ST3GAL2: variants seen among roughly 807,000 people sequenced by gnomAD.
The protein encoded by ST3GAL2 is ST3 beta-galactoside alpha-2,3-sialyltransferase 2.
In ST3GAL2, 16 loss-of-function variants were observed where a neutral mutation model predicts 37.5. That is an observed-to-expected ratio of 0.43 (90% CI 0.29 to 0.65). ST3GAL2 has a LOEUF of 0.65. Ranked by LOEUF, ST3GAL2 falls within the 30% of genes least tolerant of loss-of-function variation. ST3GAL2 has a pLI of 0.17. For synonymous variants in ST3GAL2, 238 were observed against 202.9 expected, an observed-to-expected ratio of 1.17 and a Z score of -1.47; for missense variants, 383 against 487.8, an observed-to-expected ratio of 0.79 and a Z score of 2.02.
chr16:70,404,645 C>G lies in ST3GAL2; in HGVS notation c.-1003-5112G>C, dbSNP rs78837578. On this transcript the variant is annotated intron_variant, in intron 1 of 6. Transcript: ENST00000342907. ...TTTGGGCAACAGTCTGGCAGTTCCT[C>G]AAAAGATTAAATATACAGTCACCAT... 3.5e-3 allele frequency among the ~76,000 whole-genome samples: 526 copies of G among 152,202 alleles called. 10 individuals carry two copies. The highest frequency in any genetic ancestry group is 0.028 in the Admixed American group (428 of 15,264).
intron 3 of ST3GAL2, among the ~76,000 whole-genome samples, chr16:70,390,205 G>T (rs1012488659): frequency 1.3e-5 from 2 of 152,196 alleles, no homozygotes; most frequent in South Asian, 2.1e-4. Context: ...CTCCCGAGTA[G>T]CTGGGACCAC....
chr16:70,417,306 C>G (rs1597571835), intron 1 of ST3GAL2, among the ~76,000 whole-genome samples: 1 of 151,906 alleles, frequency 6.6e-6, no homozygotes, highest in African/African-American at 2.4e-5. Context: ...CCCACCCCAC[C>G]TTCCCAGCCC....
intron 1 of ST3GAL2, among the ~76,000 whole-genome samples, chr16:70,436,247 G>A (rs1466523272): frequency 6.6e-6 from 1 of 152,114 alleles, no homozygotes; most frequent in Non-Finnish European, 1.5e-5. Flanking sequence ...GGCAAACATG[G>A]TGAAACCCCG....
At chr16:70,435,346 A>T (rs563936180) in intron 1 of ST3GAL2, among the ~76,000 whole-genome samples, 1 of 152,370 alleles carries the variant, frequency 6.6e-6, no homozygotes, top group African/African-American at 2.4e-5. Context: ...CTGTAATCCC[A>T]GCACTTTCGG....
At chr16:70,417,088 T>G (rs568146297) in intron 1 of ST3GAL2, among the ~76,000 whole-genome samples, 27 of 152,342 alleles carry the variant, frequency 1.8e-4, no homozygotes, top group Admixed American at 2.6e-4. Context: ...ACTTCTCTCA[T>G]GGTCCTGATC....
At chr16:70,408,437 C>T (rs532136430) in intron 1 of ST3GAL2, among the ~76,000 whole-genome samples, 2 of 152,158 alleles carry the variant, frequency 1.3e-5, no homozygotes, top group South Asian at 2.1e-4. Flanking sequence ...GGCCAGTTAC[C>T]GAAAGCCCCT....
At position 70,377,408 on chromosome 16, in the gene ST3GAL2, A is replaced by C. The variant is rs1468394393; in HGVS notation, c.*4281T>G. ...GACAGGAGAATGGTGTGAACCCGGG[A>C]GGCGGAGCTTGCAGTGAGCGGACAT... On this transcript the variant is annotated 3_prime_UTR_variant, in exon 7 of 7. Transcript: ENST00000342907. 3 of 144,266 alleles carry C rather than the reference A, an allele frequency of 2.1e-5. No individual in the cohort carries two copies. Among genetic ancestry groups the C allele is most frequent in the Non-Finnish European group, 4.5e-5 (3 of 66,770 alleles). 8.9% of individuals were successfully genotyped at this position (144,266 alleles called of 1,614,324 possible).
chr16:70,405,395 G>C (rs1381539303), intron 1 of ST3GAL2, among the ~76,000 whole-genome samples: 21 of 151,742 alleles, frequency 1.4e-4, no homozygotes, highest in Admixed American at 1.3e-3. Flanking sequence ...CAAAAAATTA[G>C]CCGGGCATGG....
chr16:70,423,674 ATTTTTTTTTTT>A lies in ST3GAL2; in HGVS notation c.-1004+15264_-1004+15274del, dbSNP rs60635060. ...GATCTGTAAATGGAATGACTCAATG[ATTTTTTTTTTT>A]TTTTTTTTGAGATGGAGTTTCGCTC... On this transcript the variant is annotated intron_variant, in intron 1 of 6. Transcript: ENST00000342907. Among the ~76,000 whole-genome samples the A allele has an allele frequency of 7.8e-5, 10 of 128,034 alleles. 1 individual carries two copies. The highest frequency in any genetic ancestry group is 3.0e-4 in the African/African-American group (10 of 33,146). 84.0% of individuals were successfully genotyped at this position (128,034 alleles called of 152,430 possible).
At chr16:70,437,927 C>A (rs904220941) in intron 1 of ST3GAL2, among the ~76,000 whole-genome samples, 1 of 152,142 alleles carries the variant, frequency 6.6e-6, no homozygotes, top group Non-Finnish European at 1.5e-5. Context: ...CCTGTACTCC[C>A]CCGGAGGCTT....
rs34454921 is a variant in ST3GAL2 at position 70,377,178 on chromosome 16, TAAAAAAAAAAAA to T, written c.*4499_*4510del. On this transcript the variant is annotated 3_prime_UTR_variant, in exon 7 of 7. Coordinates refer to ENST00000342907, the MANE Select transcript of ST3GAL2 (RefSeq NM_006927.4). Reference sequence around the variant, plus strand: ...CTGGGCGACAGGAGACCCTGTCTCTTAAAAAAAAAAAAAAAAAAAAAAAAAGGGTCTGGTGGC... The same window carrying T: ...CTGGGCGACAGGAGACCCTGTCTCTTAAAAAAAAAAAAAGGGTCTGGTGGC... 1 of 85,494 alleles carries T rather than the reference TAAAAAAAAAAAA, an allele frequency of 1.2e-5. No individual in the cohort carries two copies. 5.3% of individuals were successfully genotyped at this position (85,494 alleles called of 1,614,324 possible).
At chr16:70,382,690 G>A (rs965347807) in intron 6 of ST3GAL2, 115 bp downstream of exon 6, 52 of 1,500,120 alleles carry the variant, frequency 3.5e-5, no homozygotes, top group Non-Finnish European at 4.4e-5. Context: ...GGAAACCAAG[G>A]CCACATGGAT....
intron 1 of ST3GAL2, among the ~76,000 whole-genome samples, chr16:70,436,167 C>T (rs2047823945): frequency 6.6e-6 from 1 of 150,660 alleles, no homozygotes; most frequent in Admixed American, 6.6e-5. Flanking sequence ...GTGACTCACG[C>T]CTGTAATCCC....
At chr16:70,425,908 CCAGGGAA>C (rs1414665831) in intron 1 of ST3GAL2, among the ~76,000 whole-genome samples, 18 of 152,294 alleles carry the variant, frequency 1.2e-4, no homozygotes, top group African/African-American at 4.1e-4. Context: ...CCTTCTCCAG[CCAGGGAA>C]CTGCCCAGAC....
rs376808456 is a variant in ST3GAL2 at position 70,381,878 on chromosome 16, G to A, written c.880-16C>T. 2 of 1,612,200 alleles carry A rather than the reference G, an allele frequency of 1.2e-6. No individual in the cohort carries two copies. Among genetic ancestry groups the A allele is most frequent in the Non-Finnish European group, 8.5e-7 (1 of 1,178,862 alleles). ...ACACGTTCACCTGCGGGGAAGCGCA[G>A]CGGAGCGTCACCCCAGGCGGGGACC... On this transcript the variant is annotated splice_polypyrimidine_tract_variant and intron_variant, in intron 6 of 6. Coordinates refer to ENST00000342907, the MANE Select transcript of ST3GAL2 (RefSeq NM_006927.4).
rs558255693 is a variant in ST3GAL2 at position 70,392,816 on chromosome 16, G to T, written c.533+2166C>A. Among the ~76,000 whole-genome samples the T allele has an allele frequency of 2.8e-4, 42 of 152,218 alleles. No individual in the cohort carries two copies. The South Asian group carries it at 4.6e-3, about 17-fold the overall frequency. ...GTTTTTGTTTTTGAGATAGGGTCTTGCTCTGTTGCCCAGGCTGGAGTGCAG... is the reference window on the plus strand; with the variant it reads ...GTTTTTGTTTTTGAGATAGGGTCTTTCTCTGTTGCCCAGGCTGGAGTGCAG... On this transcript the variant is annotated intron_variant, in intron 3 of 6. Transcript: ENST00000342907.
chr16:70,380,664 C>G lies in ST3GAL2; in HGVS notation c.*1025G>C, dbSNP rs759821918. On this transcript the variant is annotated 3_prime_UTR_variant, in exon 7 of 7. Coordinates refer to ENST00000342907, the MANE Select transcript of ST3GAL2 (RefSeq NM_006927.4). ...TGCCAGCTCAGAATTTGCAAAGAAT[C>G]TGCGGTTTGGCCACCCACGGCAGCT... The G allele has an allele frequency of 6.6e-6, 1 of 152,386 alleles. No individual in the cohort carries two copies. The highest frequency in any genetic ancestry group is 2.4e-5 in the African/African-American group (1 of 41,484). The allele number at this position is 152,386 out of a possible 1,614,324, so 9.4% of individuals were successfully genotyped here. A position where few individuals can be genotyped will look rare whatever the true frequency, so the allele number is the denominator to read the frequency against.
chr16:70,430,074 G>T (rs141245890), intron 1 of ST3GAL2, among the ~76,000 whole-genome samples: 18 of 152,348 alleles, frequency 1.2e-4, no homozygotes, highest in Non-Finnish European at 5.9e-5. Context: ...CTTGAGGACA[G>T]CCAAACAGAC....
rs774074693 is a variant in ST3GAL2, at chr16:70,398,428, G to T, written c.103C>A (p.Pro35Thr). Reference protein sequence around the residue: ...TYSHHSMATLPYLDSGALDGT... With the variant: ...TYSHHSMATLTYLDSGALDGT... The stretch of plus-strand genomic sequence containing the variant: ...TCCAGGGCCCCTGAGTCCAGGTAGG[G>T]GAGCGTGGCCATGCTGTGGTGCGAG... The change falls in exon 2 of 7, where the codon CCC (proline) becomes ACC (threonine). Residue 35 changes from proline (P) to threonine (T), a missense_variant. Physicochemically the swap from Pro to Thr is conservative, Grantham distance 38 (BLOSUM62 -1). Around this residue, in one of 2 missense-constraint regions of ST3GAL2, gnomAD observed 223 missense variants for 239.1 expected, o/e 0.93. Transcript: ENST00000342907. 1.9e-6 allele frequency: 3 copies of T among 1,613,726 alleles called. No individual in the cohort carries two copies. Among genetic ancestry groups the T allele is most frequent in the Non-Finnish European group, 2.5e-6 (3 of 1,180,014 alleles).
Sources: allele counts gnomAD v4.1 joint callset (sites outside exome capture counted in the v4.1 genomes callset), GRCh38; gene constraint gnomAD v4.1.1; regional missense constraint gnomAD v4.1.1; transcripts MANE v1.5; gene names NCBI Gene and HGNC (gene_info 2026-07-23, HGNC 2026-07-21).